The following NRDE2 variants were observed in gnomAD, a reference collection of about 807,000 sequenced individuals.
NRDE2 encodes the protein nuclear exosome regulator NRDE2.
In NRDE2, 76 loss-of-function variants were observed where a neutral mutation model predicts 124.2. That is an observed-to-expected ratio of 0.61 (90% CI 0.51 to 0.74). NRDE2 has a LOEUF of 0.74. NRDE2 is among the 30% of genes least tolerant of loss of function. The pLI, the probability that NRDE2 is intolerant of heterozygous loss-of-function variation, is 0.00. For synonymous variants in NRDE2, 489 were observed against 528.1 expected (o/e 0.93, Z 1.01); for missense variants, 1,314 against 1,417.3 (o/e 0.93, Z 1.17).
At chr14:90,322,136 G>A (rs1885269121) in intron 1 of NRDE2, among the ~76,000 whole-genome samples, 1 of 152,140 alleles carries the variant, frequency 6.6e-6, no homozygotes, top group Admixed American at 6.5e-5. Flanking sequence ...ATTAGTACAC[G>A]GGGCTCTTAC....
At chr14:90,302,422 G>T (rs1015573155) in intron 6 of NRDE2, among the ~76,000 whole-genome samples, 38 of 152,082 alleles carry the variant, frequency 2.5e-4, no homozygotes, top group Admixed American at 2.4e-3. Context: ...CATGCATCTC[G>T]ACAGATAAGG....
rs1891607431 is a variant in NRDE2, at chr14:90,269,578, A to T, written c.*8758T>A. 1 of 1,607,314 alleles carries T rather than the reference A, an allele frequency of 6.2e-7. No homozygotes were observed. Among genetic ancestry groups the T allele is most frequent in the Non-Finnish European group, 8.5e-7 (1 of 1,175,588 alleles). The stretch of plus-strand genomic sequence containing the variant: ...AATTTGCTTTGGTTTCATCATGGAG[A>T]TTAATGTGTTTATATATTTGTGTTT... On this transcript the variant is annotated 3_prime_UTR_variant, in exon 14 of 14. Transcript: ENST00000354366.
chr14:90,274,838 A>ACACCCCCCC lies in NRDE2; in HGVS notation c.*3497_*3498insGGGGGGGTG, dbSNP rs1491397403. On this transcript the variant is annotated 3_prime_UTR_variant, in exon 14 of 14. Transcript: ENST00000354366. Reference sequence around the variant, plus strand: ...CACACACACACACACACACACACACACCCCAATACATATGAATTGATCTGA... The same window carrying ACACCCCCCC: ...CACACACACACACACACACACACACACACCCCCCCCCCCAATACATATGAATTGATCTGA... 4 of 67,186 alleles carry ACACCCCCCC rather than the reference A, an allele frequency of 6.0e-5. No homozygotes were observed. The highest frequency in any genetic ancestry group is 6.7e-4 in the East Asian group (2 of 2,966). The allele number at this position is 67,186 out of a possible 1,614,324, so 4.2% of individuals were successfully genotyped here. A position where few individuals can be genotyped will look rare whatever the true frequency, so the allele number is the denominator to read the frequency against.
intron 10 of NRDE2, among the ~76,000 whole-genome samples, chr14:90,289,949 C>T (rs1382629804): frequency 6.6e-6 from 1 of 152,174 alleles, no homozygotes; most frequent in East Asian, 1.9e-4. Context: ...TTTGAGCACT[C>T]ATTGTTCATG....
At chr14:90,324,185 A>G (rs1300259040) in intron 1 of NRDE2, among the ~76,000 whole-genome samples, 1 of 152,114 alleles carries the variant, frequency 6.6e-6, no homozygotes, top group Non-Finnish European at 1.5e-5. Flanking sequence ...GAGAAATAGG[A>G]GAAGCGATTG....
intron 1 of NRDE2, among the ~76,000 whole-genome samples, chr14:90,322,717 A>G (rs1343135998): frequency 1.3e-5 from 2 of 152,238 alleles, no homozygotes; most frequent in Non-Finnish European, 2.9e-5. Context: ...CATGGAGTTT[A>G]TAATTATAAC....
In NRDE2 at chr14:90,303,044, G is replaced by A; in HGVS notation, c.1087C>T (p.Leu363=). ...EKRKRSLKLI[L]EKKLAILERA... is the part of the protein sequence containing the mutation. ...TCCAGAATGGCCAGCTTCTTCTCCA[G>A]AATGAGCTTCAGGGACCTCTTTCGC... Residue 363 remains leucine (L), a synonymous_variant, in exon 6 of 14, where the codon CTG becomes TTG. Coordinates refer to ENST00000354366, the MANE Select transcript of NRDE2 (RefSeq NM_017970.4). 1.2e-6 allele frequency: 2 copies of A among 1,613,984 alleles called. No individual in the cohort carries two copies. The highest frequency in any genetic ancestry group is 1.7e-6 in the Non-Finnish European group (2 of 1,180,030).
chr14:90,269,373 C>T lies in NRDE2; in HGVS notation c.*8963G>A. 2 of 1,564,784 alleles carry T rather than the reference C, an allele frequency of 1.3e-6. No homozygotes were observed. Among genetic ancestry groups the T allele is most frequent in the South Asian group, 1.1e-5 (1 of 87,466 alleles). On this transcript the variant is annotated 3_prime_UTR_variant, in exon 14 of 14. Transcript: ENST00000354366. ...GCAGGCGATCAGTTGAGTCTTCATTCCTTCCCTTTTTTTTTTTCCAAAGAT... is the reference window on the plus strand; with the variant it reads ...GCAGGCGATCAGTTGAGTCTTCATTTCTTCCCTTTTTTTTTTTCCAAAGAT...
chr14:90,273,432 C>G lies in NRDE2; in HGVS notation c.*4904G>C, dbSNP rs1891719907. 1 of 152,154 alleles carries G rather than the reference C, an allele frequency of 6.6e-6. No homozygotes were observed. Among genetic ancestry groups the G allele is most frequent in the African/African-American group, 2.4e-5 (1 of 41,412 alleles). The allele number at this position is 152,154 out of a possible 1,614,324, so 9.4% of individuals were successfully genotyped here. A position where few individuals can be genotyped will look rare whatever the true frequency, so the allele number is the denominator to read the frequency against. On this transcript the variant is annotated 3_prime_UTR_variant, in exon 14 of 14. Coordinates refer to ENST00000354366, the MANE Select transcript of NRDE2 (RefSeq NM_017970.4). Reference sequence around the variant, plus strand: ...AATTAGCTGTGCGTGGTGGCAGGTGCCTGTAGTCCCAGCTACTCAGGAGGC... The same window carrying G: ...AATTAGCTGTGCGTGGTGGCAGGTGGCTGTAGTCCCAGCTACTCAGGAGGC...
Position 90,268,526 on chromosome 14 carries a change from C to A in NRDE2, c.*9810G>T. ...CCCTATGGCCACAGTTCTTGCTGTG[C>A]GTGGCCTTCCATGCATGCTTTAGGC... On this transcript the variant is annotated 3_prime_UTR_variant, in exon 14 of 14. Transcript: ENST00000354366. 1 of 1,044,738 alleles carries A rather than the reference C, an allele frequency of 9.6e-7. No homozygotes were observed. The highest frequency in any genetic ancestry group is 1.4e-6 in the Non-Finnish European group (1 of 702,430). The allele number at this position is 1,044,738 out of a possible 1,614,324, so 64.7% of individuals were successfully genotyped here. A position where few individuals can be genotyped will look rare whatever the true frequency, so the allele number is the denominator to read the frequency against.
intron 4 of NRDE2, among the ~76,000 whole-genome samples, chr14:90,311,014 C>G (rs1422161037): frequency 6.6e-6 from 1 of 152,112 alleles, no homozygotes; most frequent in Non-Finnish European, 1.5e-5. Flanking sequence ...GTTATTAACT[C>G]ATTGGGAAGG....
At chr14:90,311,212 C>A (rs1227759671) in intron 4 of NRDE2, among the ~76,000 whole-genome samples, 2 of 152,170 alleles carry the variant, frequency 1.3e-5, no homozygotes, top group Non-Finnish European at 2.9e-5. Flanking sequence ...GATTCTCTAT[C>A]TTCAATTCTC....
intron 1 of NRDE2, among the ~76,000 whole-genome samples, chr14:90,322,594 C>T (rs1885282669): frequency 6.6e-6 from 1 of 152,154 alleles, no homozygotes; most frequent in African/African-American, 2.4e-5. Flanking sequence ...TTCTTCCTTT[C>T]TTCATTGTAA....
At chr14:90,309,618 C>G (rs1430276749) in intron 4 of NRDE2, among the ~76,000 whole-genome samples, 1 of 152,152 alleles carries the variant, frequency 6.6e-6, no homozygotes, top group African/African-American at 2.4e-5. Context: ...GAGACAGATT[C>G]AAGTGCTGCC....
intron 7 of NRDE2, among the ~76,000 whole-genome samples, chr14:90,300,510 A>C (rs935332141): frequency 6.6e-6 from 1 of 152,062 alleles, no homozygotes; most frequent in Non-Finnish European, 1.5e-5. Flanking sequence ...ACTGAGTTTT[A>C]TTTAGTGGAA....
Position 90,269,338 on chromosome 14 carries a change from T to C in NRDE2, c.*8998A>G, listed in dbSNP as rs1035414542. 2 of 1,464,650 alleles carry C rather than the reference T, an allele frequency of 1.4e-6. No homozygotes were observed. The highest frequency in any genetic ancestry group is 1.9e-6 in the Non-Finnish European group (2 of 1,079,738). 90.7% of individuals were successfully genotyped at this position (1,464,650 alleles called of 1,614,324 possible). ...TGTCACAATGAGGTCTTTGCTGTAA[T>C]TCCCCTTGAGCAGGCGATCAGTTGA... is the stretch of plus-strand genomic sequence containing the variant. On this transcript the variant is annotated 3_prime_UTR_variant, in exon 14 of 14. Transcript: ENST00000354366.
chr14:90,289,948 T>G (rs1040683443), intron 10 of NRDE2, among the ~76,000 whole-genome samples: 3 of 152,184 alleles, frequency 2.0e-5, no homozygotes, highest in Non-Finnish European at 4.4e-5. Context: ...TTTTGAGCAC[T>G]CATTGTTCAT....
At position 90,276,594 on chromosome 14, in the gene NRDE2, G is replaced by T. The variant is rs116414076; in HGVS notation, c.*1742C>A. On this transcript the variant is annotated 3_prime_UTR_variant, in exon 14 of 14. Coordinates refer to ENST00000354366, the MANE Select transcript of NRDE2 (RefSeq NM_017970.4). ...TGTAAAATGCCCTCAAGGAATCTTTGATTTGTTTTAAACCTCCTCCCATGC... is the reference window on the plus strand; with the variant it reads ...TGTAAAATGCCCTCAAGGAATCTTTTATTTGTTTTAAACCTCCTCCCATGC... The T allele has an allele frequency of 5.5e-3, 838 of 152,094 alleles. 7 individuals carry two copies. The highest frequency in any genetic ancestry group is 0.02 in the African/African-American group (812 of 41,496). 9.4% of individuals were successfully genotyped at this position (152,094 alleles called of 1,614,324 possible).
chr14:90,297,940 C>CAAAAA (rs58242184), intron 8 of NRDE2, among the ~76,000 whole-genome samples: 3 of 96,550 alleles, frequency 3.1e-5, no homozygotes, highest in African/African-American at 7.5e-5. Flanking sequence ...GATTCTGTCT[C>CAAAAA]AAAAAAAAAA....
Sources: gnomAD v4.1 joint callset for allele counts (sites outside exome capture counted in the v4.1 genomes callset) on GRCh38, gnomAD v4.1.1 for gene constraint, MANE v1.5 for transcripts, NCBI Gene and HGNC (gene_info 2026-07-23, HGNC 2026-07-21) for gene names.